CNTNAP2: variants seen among roughly 807,000 people sequenced by gnomAD.
CNTNAP2 encodes contactin associated protein 2, also known as contactin-associated protein-like 2.
CNTNAP2 carries 98 observed loss-of-function variants against 155.2 expected under a neutral mutation model. The observed-to-expected ratio is 0.63, with a 90% CI of 0.54 to 0.75. The LOEUF (loss-of-function observed/expected upper bound fraction) is 0.75. Among genes scored for constraint, CNTNAP2 ranks in the 30% least tolerant of loss-of-function variants. The probability of loss-of-function intolerance (pLI) is 0.00; values close to 1 mark genes in which losing one functional copy is unlikely to be tolerated. For missense variants in CNTNAP2, 1,727 were observed against 1,688.1 expected, an observed-to-expected ratio of 1.02 and a Z score of -0.40; for synonymous variants, 651 against 631.2, an observed-to-expected ratio of 1.03 and a Z score of -0.47.
chr7:146,912,596 T>G (rs370481384), intron 3 of CNTNAP2, among the ~76,000 whole-genome samples: 3 of 152,246 alleles, frequency 2.0e-5, no homozygotes, highest in African/African-American at 7.2e-5. Context: ...GCTAAGACCA[T>G]GTTTTATTTG....
chr7:148,072,208 C>A (rs56049726), intron 15 of CNTNAP2, among the ~76,000 whole-genome samples: 22,653 of 152,142 alleles, frequency 0.15, 2,206 homozygotes, highest in East Asian at 0.46. Context: ...AGCAATGGAA[C>A]TCTTCTAAGA....
intron 17 of CNTNAP2, among the ~76,000 whole-genome samples, chr7:148,165,230 A>T (rs540599567): frequency 6.6e-6 from 1 of 152,148 alleles, no homozygotes; most frequent in East Asian, 1.9e-4. Context: ...TCTTCACTTG[A>T]TCTTTTCTCT....
chr7:146,615,095 A>C (rs1322039060), intron 1 of CNTNAP2, among the ~76,000 whole-genome samples: 2 of 152,196 alleles, frequency 1.3e-5, no homozygotes, highest in African/African-American at 2.4e-5. Flanking sequence ...ACAAAAGTTG[A>C]CCCTTTGCTA....
intron 8 of CNTNAP2, among the ~76,000 whole-genome samples, chr7:147,220,470 G>A (rs971470082): frequency 6.6e-6 from 1 of 152,116 alleles, no homozygotes; most frequent in Non-Finnish European, 1.5e-5. Flanking sequence ...GACAATTGAT[G>A]TTCAAAACTG....
intron 1 of CNTNAP2, among the ~76,000 whole-genome samples, chr7:146,584,523 A>G (rs746362067): frequency 7.9e-5 from 12 of 152,306 alleles, no homozygotes; most frequent in Non-Finnish European, 1.6e-4. Context: ...ACAGTGGTGC[A>G]TTCCTTTATT....
chr7:146,556,714 G>A (rs1798203585), intron 1 of CNTNAP2, among the ~76,000 whole-genome samples: 2 of 152,100 alleles, frequency 1.3e-5, no homozygotes, highest in Non-Finnish European at 2.9e-5. Flanking sequence ...CCATAAGAAT[G>A]GCTGCCATGG....
chr7:146,961,499 C>T (rs929247398), intron 3 of CNTNAP2, among the ~76,000 whole-genome samples: 2 of 152,192 alleles, frequency 1.3e-5, no homozygotes, highest in Non-Finnish European at 1.5e-5. Context: ...TCCATTTTCT[C>T]TCTAAGGGTA....
chr7:148,246,781 A>G lies in CNTNAP2; in HGVS notation c.3381+17002A>G, dbSNP rs1023099272. On this transcript the variant is annotated intron_variant, in intron 20 of 23. Transcript: ENST00000361727. ...AGCCATTAGCTCCCTGAGTTAGGGG[A>G]ATGACTCAGTGGTAGAAAGTGCAGT... is the stretch of plus-strand genomic sequence containing the variant. Among the ~76,000 whole-genome samples, 8 of 152,214 alleles carry G rather than the reference A, an allele frequency of 5.3e-5. No individual in the cohort carries two copies. The South Asian group carries it at 6.2e-4, about 12-fold the overall frequency.
intron 18 of CNTNAP2, among the ~76,000 whole-genome samples, chr7:148,178,046 T>A (rs1157940031): frequency 6.6e-6 from 1 of 152,160 alleles, no homozygotes; most frequent in Non-Finnish European, 1.5e-5. Flanking sequence ...TTTAATGGTT[T>A]ACAGATACAA....
intron 22 of CNTNAP2, among the ~76,000 whole-genome samples, chr7:148,396,700 C>T (rs2116691699): frequency 6.6e-6 from 1 of 152,352 alleles, no homozygotes; most frequent in East Asian, 1.9e-4. Flanking sequence ...AATTGCTTCA[C>T]TCCTTTGAGA....
At chr7:146,274,840 C>T (rs1404827540) in intron 1 of CNTNAP2, among the ~76,000 whole-genome samples, 3 of 152,090 alleles carry the variant, frequency 2.0e-5, no homozygotes, top group African/African-American at 4.8e-5. Flanking sequence ...AAAGAGTGGG[C>T]TTTTGTTCCT....
chr7:147,072,111 G>C (rs527371387), intron 4 of CNTNAP2, among the ~76,000 whole-genome samples: 1 of 152,230 alleles, frequency 6.6e-6, no homozygotes, highest in East Asian at 1.9e-4. Context: ...CTTCTCCAGG[G>C]AGGTGATGGC....
At chr7:146,144,565 T>C (rs1290205981) in intron 1 of CNTNAP2, among the ~76,000 whole-genome samples, 3 of 152,228 alleles carry the variant, frequency 2.0e-5, no homozygotes, top group African/African-American at 4.8e-5. Flanking sequence ...GATGAGTGTA[T>C]GTGTAAAACT....
At chr7:146,176,607 C>T (rs1355724724) in intron 1 of CNTNAP2, among the ~76,000 whole-genome samples, 1 of 152,092 alleles carries the variant, frequency 6.6e-6, no homozygotes, top group African/African-American at 2.4e-5. Flanking sequence ...TTCAGTTCAT[C>T]TCTGACTCAT....
chr7:148,221,362 G>A (rs1795745262), intron 19 of CNTNAP2, among the ~76,000 whole-genome samples: 1 of 152,136 alleles, frequency 6.6e-6, no homozygotes, highest in Non-Finnish European at 1.5e-5. Flanking sequence ...CTCAGAGGAT[G>A]TTGGGCCAGG....
At chr7:147,573,740 T>C (rs1800338626) in intron 12 of CNTNAP2, among the ~76,000 whole-genome samples, 1 of 152,208 alleles carries the variant, frequency 6.6e-6, no homozygotes, top group Admixed American at 6.5e-5. Context: ...GGGTATACCA[T>C]CATCATGGAC....
At chr7:147,705,009 C>A (rs555771136) in intron 13 of CNTNAP2, among the ~76,000 whole-genome samples, 2 of 151,942 alleles carry the variant, frequency 1.3e-5, no homozygotes, top group Non-Finnish European at 2.9e-5. Context: ...TTTTAAAAAA[C>A]CAACTTTTCA....
At chr7:146,270,388 A>G (rs1800062125) in intron 1 of CNTNAP2, among the ~76,000 whole-genome samples, 1 of 152,146 alleles carries the variant, frequency 6.6e-6, no homozygotes, top group Non-Finnish European at 1.5e-5. Flanking sequence ...CTTCCACCAG[A>G]TGATGTCCTG....
chr7:147,516,425 C>G (rs1340990604), intron 11 of CNTNAP2, among the ~76,000 whole-genome samples: 5 of 152,044 alleles, frequency 3.3e-5, no homozygotes. Flanking sequence ...TATTAGGGGC[C>G]AATATTAAAA....
Sources: allele counts gnomAD v4.1 joint callset (sites outside exome capture counted in the v4.1 genomes callset), GRCh38; gene constraint gnomAD v4.1.1; transcripts MANE v1.5; gene names NCBI Gene and HGNC (gene_info 2026-07-23, HGNC 2026-07-21).